The following RGS6 variants were observed in gnomAD, a reference collection of about 807,000 sequenced individuals.
RGS6 encodes regulator of G protein signaling 6, also known as regulator of G-protein signaling 6.
In RGS6, 30 loss-of-function variants were observed where a neutral mutation model predicts 78.5. The observed-to-expected ratio is 0.38, with a 90% CI of 0.29 to 0.52. The LOEUF is 0.52. Among genes scored for constraint, RGS6 ranks in the 20% least tolerant of loss-of-function variants. RGS6 has a pLI of 0.85. For synonymous variants in RGS6, 206 were observed against 206.0 expected (o/e 1.00, Z 0.00); for missense variants, 495 against 609.7 (o/e 0.81, Z 1.98).
chr14:72,223,338 G>A (rs2047335702), intron 2 of RGS6, among the ~76,000 whole-genome samples: 1 of 152,224 alleles, frequency 6.6e-6, no homozygotes, highest in African/African-American at 2.4e-5. Flanking sequence ...TGGCGACGTA[G>A]CATTGAGGTT....
At chr14:72,585,970 C>T in the RGS6 span, among the ~76,000 whole-genome samples, 1 of 152,182 alleles carries the variant, frequency 6.6e-6, no homozygotes, top group African/African-American at 2.4e-5. Flanking sequence ...CTTTCGAAGA[C>T]ACAATTGGAA....
chr14:72,213,459 G>A (rs35367207), intron 2 of RGS6, among the ~76,000 whole-genome samples: 8,671 of 152,138 alleles, frequency 0.057, 351 homozygotes, highest in East Asian at 0.23. Flanking sequence ...TTAGCTGAAC[G>A]TTTACCCCCC....
At position 72,506,984 on chromosome 14, in the gene RGS6, T is replaced by TAAAAAAAAAAAA. The variant is rs71109738; in HGVS notation, c.966-3146_966-3135dup. Among the ~76,000 whole-genome samples the TAAAAAAAAAAAA allele has an allele frequency of 6.8e-4, 37 of 54,386 alleles. 5 individuals are homozygous for TAAAAAAAAAAAA. Among genetic ancestry groups the TAAAAAAAAAAAA allele is most frequent in the East Asian group, 4.4e-3 (4 of 900 alleles). The allele number at this position is 54,386 out of a possible 152,430, so 35.7% of individuals were successfully genotyped here. On this transcript the variant is annotated intron_variant, in intron 13 of 17. Transcript: ENST00000553525. ...TAACACGGTGAAACCCTGTCTCTACTAAAAAAAAAAAAAAAAAAAAAAAAA... is the reference window on the plus strand; with the variant it reads ...TAACACGGTGAAACCCTGTCTCTACTAAAAAAAAAAAAAAAAAAAAAAAAAAAAAAAAAAAAA...
chr14:72,356,168 G>A (rs192700188), intron 3 of RGS6, among the ~76,000 whole-genome samples: 21 of 152,126 alleles, frequency 1.4e-4, no homozygotes, highest in Admixed American at 1.2e-3. Context: ...TACCCAAATC[G>A]CATCTCAAAT....
At chr14:72,464,147 C>T (rs1489323509) in intron 6 of RGS6, among the ~76,000 whole-genome samples, 1 of 152,062 alleles carries the variant, frequency 6.6e-6, no homozygotes, top group African/African-American at 2.4e-5. Flanking sequence ...TATATTGGCC[C>T]CTCCTAGATT....
intron 2 of RGS6, among the ~76,000 whole-genome samples, chr14:72,084,473 C>T (rs1295443021): frequency 1.3e-5 from 2 of 152,188 alleles, no homozygotes; most frequent in South Asian, 2.1e-4. Flanking sequence ...CATTGCTCAA[C>T]TTTGAAAAGT....
At chr14:72,612,006 C>G in the RGS6 span, among the ~76,000 whole-genome samples, 1 of 152,186 alleles carries the variant, frequency 6.6e-6, no homozygotes, top group Admixed American at 6.5e-5. Context: ...TATTTTCCAG[C>G]CCCTACAGGA....
chr14:72,215,499 A>C (rs187643533), intron 2 of RGS6, among the ~76,000 whole-genome samples: 5 of 152,298 alleles, frequency 3.3e-5, no homozygotes, highest in African/African-American at 1.2e-4. Flanking sequence ...CAGTTTTGCC[A>C]TGAAAGTACA....
At chr14:72,362,146 T>C (rs1422314401) in intron 3 of RGS6, among the ~76,000 whole-genome samples, 1 of 152,116 alleles carries the variant, frequency 6.6e-6, no homozygotes, top group Non-Finnish European at 1.5e-5. Flanking sequence ...ACAGACGATA[T>C]AAAGATGAAC....
At chr14:72,034,018 A>G (rs552037542) in intron 2 of RGS6, among the ~76,000 whole-genome samples, 1 of 152,278 alleles carries the variant, frequency 6.6e-6, no homozygotes, top group South Asian at 2.1e-4. Flanking sequence ...CATGTTGAAT[A>G]TATTTTCATG....
At chr14:72,539,674 G>A (rs749839218) in intron 16 of RGS6, among the ~76,000 whole-genome samples, 1 of 152,204 alleles carries the variant, frequency 6.6e-6, no homozygotes, top group South Asian at 2.1e-4. Context: ...GCTCCTGCCT[G>A]TGGGCACGGC....
At chr14:72,478,419 C>T in intron 12 of RGS6, 90 bp downstream of exon 12, 1 of 929,574 alleles carries the variant, frequency 1.1e-6, no homozygotes, top group Non-Finnish European at 1.7e-6. Context: ...GTGTTCAATG[C>T]CAAGAGTTAG....
chr14:72,308,541 C>T (rs139711984), intron 2 of RGS6, among the ~76,000 whole-genome samples: 5 of 152,282 alleles, frequency 3.3e-5, no homozygotes, highest in African/African-American at 1.2e-4. Flanking sequence ...TCTAGTCATC[C>T]TCAGAACTCT....
chr14:72,341,861 C>T (rs1182460770), intron 2 of RGS6, among the ~76,000 whole-genome samples: 1 of 152,128 alleles, frequency 6.6e-6, no homozygotes, highest in East Asian at 1.9e-4. Context: ...GATGAGTGAT[C>T]CTAGAGTCCA....
At chr14:72,602,295 G>A in the RGS6 span, among the ~76,000 whole-genome samples, 5 of 152,296 alleles carry the variant, frequency 3.3e-5, no homozygotes, top group African/African-American at 1.2e-4. Flanking sequence ...TGCCATATCA[G>A]TGATTACATG....
intron 3 of RGS6, among the ~76,000 whole-genome samples, chr14:72,376,396 T>A (rs2084729880): frequency 6.6e-6 from 1 of 152,224 alleles, no homozygotes; most frequent in Non-Finnish European, 1.5e-5. Flanking sequence ...ATTGTGGACA[T>A]TCTGGAAGAA....
the RGS6 span, among the ~76,000 whole-genome samples, chr14:72,619,740 T>C: frequency 6.6e-6 from 1 of 152,186 alleles, no homozygotes; most frequent in South Asian, 2.1e-4. Context: ...ATCTGTAAAA[T>C]GGCAGTCGTC....
chr14:72,068,870 A>G (rs1225410919), intron 2 of RGS6, among the ~76,000 whole-genome samples: 1 of 151,948 alleles, frequency 6.6e-6, no homozygotes, highest in Admixed American at 6.6e-5. Context: ...TTGACTTTAA[A>G]TGGATCATTT....
At chr14:72,123,473 A>G (rs2096108924) in intron 2 of RGS6, among the ~76,000 whole-genome samples, 3 of 152,096 alleles carry the variant, frequency 2.0e-5, no homozygotes, top group Admixed American at 6.6e-5. Context: ...TTCTCAGACA[A>G]TTTCTGCCTC....
Sources: gnomAD v4.1 joint callset for allele counts (sites outside exome capture counted in the v4.1 genomes callset) on GRCh38, gnomAD v4.1.1 for gene constraint, MANE v1.5 for transcripts, NCBI Gene and HGNC (gene_info 2026-07-23, HGNC 2026-07-21) for gene names.